ROBO2: variants seen among roughly 807,000 people sequenced by gnomAD.
ROBO2 encodes roundabout guidance receptor 2, also known as roundabout homolog 2.
A neutral mutation model predicts 160.8 loss-of-function variants in ROBO2; 53 were observed. The observed-to-expected ratio is 0.33, with a 90% CI of 0.26 to 0.41. ROBO2 has a LOEUF of 0.41. ROBO2 is among the 10% of genes least tolerant of loss of function. The pLI, the probability that ROBO2 is intolerant of heterozygous loss-of-function variation, is 1.00. For synonymous variants in ROBO2, 664 were observed against 611.7 expected, an observed-to-expected ratio of 1.09 and a Z score of -1.26; for missense variants, 1,577 against 1,722.4, an observed-to-expected ratio of 0.92 and a Z score of 1.49.
intron 2 of ROBO2, among the ~76,000 whole-genome samples, chr3:76,322,437 A>G (rs2072642271): frequency 1.3e-5 from 2 of 151,900 alleles, no homozygotes; most frequent in South Asian, 4.1e-4. Context: ...TATGTTCTAA[A>G]AAGAGTTCTT....
chr3:76,443,406 G>A (rs1047783606), intron 2 of ROBO2, among the ~76,000 whole-genome samples: 2 of 152,092 alleles, frequency 1.3e-5, no homozygotes, highest in Non-Finnish European at 2.9e-5. Flanking sequence ...TCCACTGAGA[G>A]TCTTGCGATG....
chr3:76,272,068 T>G (rs1472734511), intron 2 of ROBO2, among the ~76,000 whole-genome samples: 2 of 152,194 alleles, frequency 1.3e-5, no homozygotes, highest in South Asian at 4.1e-4. Flanking sequence ...TCTATAAATA[T>G]AAGTGTTTCC....
At chr3:76,930,171 G>A (rs937144920) in intron 2 of ROBO2, among the ~76,000 whole-genome samples, 4 of 151,958 alleles carry the variant, frequency 2.6e-5, no homozygotes, top group African/African-American at 7.2e-5. Context: ...CTACAGGCAC[G>A]TGCCCCCACG....
intron 2 of ROBO2, among the ~76,000 whole-genome samples, chr3:76,808,932 C>T (rs2064952420): frequency 1.3e-5 from 2 of 152,070 alleles, no homozygotes; most frequent in Admixed American, 1.3e-4. Flanking sequence ...ATAGCACTAA[C>T]CTTATCACAA....
At chr3:76,328,814 G>C (rs6797977) in intron 2 of ROBO2, among the ~76,000 whole-genome samples, 85 of 151,500 alleles carry the variant, frequency 5.6e-4, no homozygotes, top group African/African-American at 2.0e-3. Flanking sequence ...AGCCGAGATC[G>C]CGCCACCGCA....
chr3:75,975,586 T>C (rs1488497959), intron 2 of ROBO2, among the ~76,000 whole-genome samples: 1 of 151,500 alleles, frequency 6.6e-6, no homozygotes, highest in East Asian at 1.9e-4. Context: ...TAGTTACCAA[T>C]GTTTATTTTT....
At chr3:77,175,679 C>T (rs910469619) in intron 2 of ROBO2, among the ~76,000 whole-genome samples, 2 of 151,902 alleles carry the variant, frequency 1.3e-5, no homozygotes, top group South Asian at 2.1e-4. Flanking sequence ...GTAGCATTTA[C>T]AGGATTGGCC....
At chr3:77,531,700 TCA>T (rs1332454055) in intron 6 of ROBO2, among the ~76,000 whole-genome samples, 1 of 152,122 alleles carries the variant, frequency 6.6e-6, no homozygotes, top group African/African-American at 2.4e-5. Flanking sequence ...TATTGGAAAA[TCA>T]CAGTTTTTTA....
In ROBO2 at chr3:77,188,983, G is replaced by GAGAGAA. The variant is rs1553829034; in HGVS notation, c.388+90648_388+90649insAAGAGA. On this transcript the variant is annotated intron_variant, in intron 2 of 25. Transcript: ENST00000461745. The stretch of plus-strand genomic sequence containing the variant: ...TGTGTGTGTGTGAGAGAGAGAGAGA[G>GAGAGAA]AGAGAGAGAGAAAGAGAGAGACTTG... Among the ~76,000 whole-genome samples, 352 of 148,472 alleles carry GAGAGAA rather than the reference G, an allele frequency of 2.4e-3. 1 individual carries two copies. Among genetic ancestry groups the GAGAGAA allele is most frequent in the Admixed American group, 4.6e-3 (68 of 14,804 alleles).
chr3:76,869,373 G>C (rs1319338221), intron 2 of ROBO2, among the ~76,000 whole-genome samples: 1 of 112,908 alleles, frequency 8.9e-6, no homozygotes, highest in Non-Finnish European at 1.7e-5. Context: ...TTTTTGAGAC[G>C]GAGTCTGACT....
At chr3:77,586,248 G>A (rs900594049) in intron 16 of ROBO2, among the ~76,000 whole-genome samples, 5 of 152,136 alleles carry the variant, frequency 3.3e-5, no homozygotes, top group East Asian at 1.9e-4. Flanking sequence ...ATTAAGCAGC[G>A]TGTCATATAA....
chr3:76,177,166 C>G (rs1333009331), intron 2 of ROBO2, among the ~76,000 whole-genome samples: 1 of 152,154 alleles, frequency 6.6e-6, no homozygotes. Flanking sequence ...ATACACATCT[C>G]AAAAGCTCTA....
chr3:76,490,913 A>C (rs2079783171), intron 2 of ROBO2, among the ~76,000 whole-genome samples: 1 of 152,170 alleles, frequency 6.6e-6, no homozygotes, highest in Admixed American at 6.5e-5. Context: ...TAAAAGGCAA[A>C]TAGAACAGAA....
intron 2 of ROBO2, among the ~76,000 whole-genome samples, chr3:76,388,937 G>A (rs1289221359): frequency 1.3e-5 from 2 of 151,766 alleles, no homozygotes; most frequent in East Asian, 3.9e-4. Flanking sequence ...TTAACTTTCT[G>A]TGCCCACTTT....
At chr3:77,423,087 A>G (rs938869354) in intron 2 of ROBO2, among the ~76,000 whole-genome samples, 2 of 152,176 alleles carry the variant, frequency 1.3e-5, no homozygotes, top group African/African-American at 2.4e-5. Flanking sequence ...GCTAATATAA[A>G]TAACTATTTT....
chr3:76,396,429 C>G (rs1259501045), intron 2 of ROBO2, among the ~76,000 whole-genome samples: 2 of 152,140 alleles, frequency 1.3e-5, no homozygotes, highest in Non-Finnish European at 2.9e-5. Flanking sequence ...GGGATGCCCT[C>G]TCTCACCACT....
At chr3:77,523,874 C>T (rs1260810202) in intron 6 of ROBO2, among the ~76,000 whole-genome samples, 3 of 151,312 alleles carry the variant, frequency 2.0e-5, no homozygotes, top group Non-Finnish European at 4.4e-5. Context: ...CCCATTTAGT[C>T]ATACCTCTGA....
chr3:76,268,294 G>T (rs1307391524), intron 2 of ROBO2, among the ~76,000 whole-genome samples: 1 of 152,050 alleles, frequency 6.6e-6, no homozygotes, highest in Non-Finnish European at 1.5e-5. Flanking sequence ...GGGGAGGAGA[G>T]GAGAGGGGAT....
At chr3:75,994,178 T>G (rs1460401589) in intron 2 of ROBO2, among the ~76,000 whole-genome samples, 2 of 152,182 alleles carry the variant, frequency 1.3e-5, no homozygotes, top group Non-Finnish European at 2.9e-5. Flanking sequence ...AAATTTAATC[T>G]GGAGTTTCAT....
Sources: gnomAD v4.1 joint callset for allele counts (sites outside exome capture counted in the v4.1 genomes callset) on GRCh38, gnomAD v4.1.1 for gene constraint, MANE v1.5 for transcripts, NCBI Gene and HGNC (gene_info 2026-07-23, HGNC 2026-07-21) for gene names.